The following ANTXR1 variants were observed in gnomAD, a reference collection of about 807,000 sequenced individuals.
ANTXR1 encodes the protein anthrax toxin receptor 1.
A neutral mutation model predicts 78.1 loss-of-function variants in ANTXR1; 19 were observed. The ratio of observed to expected loss-of-function variants is 0.24; its 90% CI spans 0.17 to 0.36. ANTXR1 has a LOEUF of 0.36. ANTXR1 is among the 10% of genes least tolerant of loss of function. The pLI, the probability that ANTXR1 is intolerant of heterozygous loss-of-function variation, is 1.00. For missense variants in ANTXR1, 518 were observed against 718.6 expected (o/e 0.72, Z 3.19); for synonymous variants, 273 against 260.5 (o/e 1.05, Z -0.46).
intron 14 of ANTXR1, among the ~76,000 whole-genome samples, chr2:69,179,412 T>C (rs1674217486): frequency 6.6e-6 from 1 of 151,466 alleles, no homozygotes; most frequent in Admixed American, 6.6e-5. Context: ...CTGGGTGCAT[T>C]GATATGTGTC....
intron 8 of ANTXR1, among the ~76,000 whole-genome samples, chr2:69,084,094 C>T (rs1293795797): frequency 6.6e-6 from 1 of 152,214 alleles, no homozygotes; most frequent in African/African-American, 2.4e-5. Flanking sequence ...TCCTGCAGCC[C>T]CTCCTCCTAT....
At chr2:69,202,529 C>T (rs775302533) in intron 17 of ANTXR1, among the ~76,000 whole-genome samples, 13 of 152,044 alleles carry the variant, frequency 8.6e-5, no homozygotes, top group African/African-American at 3.1e-4. Context: ...TGATTAAGTG[C>T]GTGTGGCAGA....
intron 3 of ANTXR1, among the ~76,000 whole-genome samples, chr2:69,064,045 G>A (rs1670321647): frequency 6.6e-6 from 1 of 151,928 alleles, no homozygotes; most frequent in South Asian, 2.1e-4. Context: ...TAGCAAGATA[G>A]CAAGATGGTA....
At chr2:69,140,400 A>G (rs1558592116) in intron 12 of ANTXR1, among the ~76,000 whole-genome samples, 1 of 152,222 alleles carries the variant, frequency 6.6e-6, no homozygotes, top group Non-Finnish European at 1.5e-5. Context: ...CGCTGTCACT[A>G]TTCCAAATAT....
At chr2:69,043,241 A>G (rs1171114975) in intron 2 of ANTXR1, among the ~76,000 whole-genome samples, 1 of 152,116 alleles carries the variant, frequency 6.6e-6, no homozygotes, top group African/African-American at 2.4e-5. Flanking sequence ...AAATTGTTTC[A>G]TCTTTCAGGG....
chr2:69,068,206 G>T (rs529240126), intron 3 of ANTXR1, among the ~76,000 whole-genome samples: 1 of 152,312 alleles, frequency 6.6e-6, no homozygotes, highest in South Asian at 2.1e-4. Flanking sequence ...AGGCACAGAA[G>T]ATATAATGGG....
intron 10 of ANTXR1, among the ~76,000 whole-genome samples, chr2:69,118,318 G>A (rs1378729737): frequency 6.6e-6 from 1 of 151,968 alleles, no homozygotes; most frequent in East Asian, 1.9e-4. Context: ...AGGGTGGGGT[G>A]GGTGAGGGGG....
intron 3 of ANTXR1, among the ~76,000 whole-genome samples, chr2:69,066,339 C>T (rs1042101650): frequency 7.2e-5 from 11 of 151,940 alleles, no homozygotes; most frequent in African/African-American, 2.7e-4. Flanking sequence ...TCTTGTTCCC[C>T]AAGCTGGAGT....
At chr2:69,029,044 C>A (rs540946164) in intron 1 of ANTXR1, among the ~76,000 whole-genome samples, 2 of 147,730 alleles carry the variant, frequency 1.4e-5, no homozygotes, top group Non-Finnish European at 3.0e-5. Flanking sequence ...TGTTGAGACC[C>A]CCCCCCCTCC....
chr2:69,163,180 G>A (rs562741154), intron 13 of ANTXR1, among the ~76,000 whole-genome samples: 2 of 152,174 alleles, frequency 1.3e-5, no homozygotes, highest in South Asian at 4.2e-4. Context: ...CAAGACGGAA[G>A]GAAGGACATT....
chr2:69,090,556 C>G (rs1183891853), intron 8 of ANTXR1: 5 of 446,394 alleles, frequency 1.1e-5, no homozygotes, highest in Non-Finnish European at 2.1e-5. Context: ...TTTCCGCAAC[C>G]CTATGTTAAA....
chr2:69,237,469 C>A (rs1342835821), intron 17 of ANTXR1, among the ~76,000 whole-genome samples: 3 of 152,216 alleles, frequency 2.0e-5, no homozygotes, highest in African/African-American at 7.2e-5. Flanking sequence ...CACTCTGTTG[C>A]CCAGGCTGGA....
intron 1 of ANTXR1, among the ~76,000 whole-genome samples, chr2:69,037,300 A>C (rs1669468322): frequency 6.6e-6 from 1 of 152,118 alleles, no homozygotes. Flanking sequence ...TAAACAGGTA[A>C]TGCTTGGGAG....
chr2:69,143,801 A>G (rs568908018), intron 12 of ANTXR1, among the ~76,000 whole-genome samples: 23 of 152,324 alleles, frequency 1.5e-4, no homozygotes, highest in African/African-American at 5.1e-4. Flanking sequence ...TTTAAAGGTC[A>G]GGTACAAGAA....
In ANTXR1 at chr2:69,061,073, C is replaced by A. The variant is rs367941115; in HGVS notation, c.297-9574C>A. Among the ~76,000 whole-genome samples the A allele has an allele frequency of 1.9e-3, 289 of 152,244 alleles. 1 individual carries two copies. Among genetic ancestry groups the A allele is most frequent in the African/African-American group, 6.7e-3 (278 of 41,550 alleles). ...TGTGGAAGGAAATACTGAAGATGAACAAACCATGTAGCCTTGTAGAATCCT... is the reference window on the plus strand; with the variant it reads ...TGTGGAAGGAAATACTGAAGATGAAAAAACCATGTAGCCTTGTAGAATCCT... On this transcript the variant is annotated intron_variant, in intron 3 of 17. Coordinates refer to ENST00000303714, the MANE Select transcript of ANTXR1 (RefSeq NM_032208.3).
intron 12 of ANTXR1, among the ~76,000 whole-genome samples, chr2:69,142,058 A>G (rs1673084309): frequency 6.6e-6 from 1 of 152,252 alleles, no homozygotes; most frequent in Non-Finnish European, 1.5e-5. Context: ...TAAAAAGAAA[A>G]GGAAGGCTTA....
intron 3 of ANTXR1, among the ~76,000 whole-genome samples, chr2:69,056,514 T>C (rs1670071472): frequency 6.6e-6 from 1 of 152,146 alleles, no homozygotes; most frequent in Non-Finnish European, 1.5e-5. Flanking sequence ...ACCACGCTTG[T>C]GGAATAAGAG....
At chr2:69,040,011 T>G in intron 1 of ANTXR1, 33 bp from the exon 2 acceptor site, 1 of 1,584,252 alleles carries the variant, frequency 6.3e-7, no homozygotes, top group Non-Finnish European at 8.7e-7. Flanking sequence ...AGTAAACACC[T>G]GAGTCACGCA....
chr2:69,177,670 G>A (rs1322925970), intron 14 of ANTXR1, among the ~76,000 whole-genome samples: 1 of 152,080 alleles, frequency 6.6e-6, no homozygotes, highest in Non-Finnish European at 1.5e-5. Flanking sequence ...CTTCTTCCGC[G>A]TTATCTCATC....
Sources: allele counts gnomAD v4.1 joint callset (sites outside exome capture counted in the v4.1 genomes callset), GRCh38; gene constraint gnomAD v4.1.1; transcripts MANE v1.5; gene names NCBI Gene and HGNC (gene_info 2026-07-23, HGNC 2026-07-21).